TCF12: variants seen among roughly 807,000 people sequenced by gnomAD.
TCF12 encodes transcription factor 12.
Under a neutral mutation model 86.0 loss-of-function variants are expected in TCF12, and 45 were observed. The ratio of observed to expected loss-of-function variants is 0.52; its 90% CI spans 0.41 to 0.67. The LOEUF is 0.67. TCF12 is among the 30% of genes least tolerant of loss of function. The probability of loss-of-function intolerance (pLI) is 0.00; values close to 1 mark genes in which losing one functional copy is unlikely to be tolerated. For synonymous variants in TCF12, 330 were observed against 299.6 expected (o/e 1.10, Z -1.05); for missense variants, 881 against 859.9 (o/e 1.02, Z -0.31).
chr15:57,125,436 A>G (rs142491684), intron 5 of TCF12, among the ~76,000 whole-genome samples: 69 of 152,354 alleles, frequency 4.5e-4, no homozygotes, highest in African/African-American at 1.6e-3. Flanking sequence ...AAATGAAGCA[A>G]TTACTATTTT....
Position 57,232,286 on chromosome 15 carries a change from C to G in TCF12, c.686-5C>G. The G allele has an allele frequency of 6.2e-7, 1 of 1,613,280 alleles. No homozygotes were observed. Among genetic ancestry groups the G allele is most frequent in the Non-Finnish European group, 8.5e-7 (1 of 1,179,674 alleles). ...GAAAATTTTATATTTCTCTTTTTGT[C>G]TTAGATGGGACCCACAATTCTTCTG... is the stretch of plus-strand genomic sequence containing the variant. On this transcript the variant is annotated splice_polypyrimidine_tract_variant and splice_region_variant and intron_variant, in intron 9 of 20. Transcript: ENST00000333725.
In TCF12 at chr15:56,943,548, G is replaced by C. The variant is rs974077420; in HGVS notation, c.148+22450G>C. ...CTCTTCATAATAACTCTTTGAAGCT[G>C]ATTCAGTTTTACTCTCATTCTTGCA... On this transcript the variant is annotated intron_variant, in intron 3 of 20. Transcript: ENST00000333725. Among the ~76,000 whole-genome samples, 11 of 152,162 alleles carry C rather than the reference G, an allele frequency of 7.2e-5. 1 individual carries two copies. Among genetic ancestry groups the C allele is most frequent in the Non-Finnish European group, 1.5e-4 (10 of 68,030 alleles).
chr15:57,213,047 A>G (rs1056104762), intron 8 of TCF12, among the ~76,000 whole-genome samples: 4 of 152,226 alleles, frequency 2.6e-5, no homozygotes, highest in African/African-American at 7.2e-5. Context: ...TCCAAGTTTT[A>G]TATCTGTTTC....
At chr15:57,233,052 ATGTGTTATATATGTATATG>A (rs2059221013) in intron 11 of TCF12, among the ~76,000 whole-genome samples, 196 bp downstream of exon 11, 2 of 140,102 alleles carry the variant, frequency 1.4e-5, no homozygotes, top group Admixed American at 7.3e-5. Context: ...ATATATGTAT[ATGTGTTATATATGTATATG>A]TGTGTTTTTT....
chr15:56,997,934 T>C (rs78731098), intron 3 of TCF12, among the ~76,000 whole-genome samples: 6,157 of 152,252 alleles, frequency 0.04, 372 homozygotes, highest in Admixed American at 0.17. Context: ...CAAAGCAAAC[T>C]TCAGAGCTAA....
chr15:57,116,782 T>C (rs13313455), intron 5 of TCF12, among the ~76,000 whole-genome samples: 72,395 of 152,098 alleles, frequency 0.48, 17,953 homozygotes, highest in African/African-American at 0.61. Flanking sequence ...ATGTCACTTA[T>C]AATGCTTCGT....
intron 5 of TCF12, among the ~76,000 whole-genome samples, chr15:57,132,740 T>C (rs1300990480): frequency 1.3e-5 from 2 of 152,198 alleles, no homozygotes; most frequent in African/African-American, 4.8e-5. Context: ...TGGCATATAG[T>C]CAATCAGTTA....
Position 57,253,253 on chromosome 15 carries a change from T to C in TCF12, c.1261-9T>C. 6.2e-7 allele frequency: 1 copy of C among 1,612,520 alleles called. No homozygotes were observed. The highest frequency in any genetic ancestry group is 8.5e-7 in the Non-Finnish European group (1 of 1,178,872). On this transcript the variant is annotated splice_polypyrimidine_tract_variant and intron_variant, in intron 15 of 20. Transcript: ENST00000333725. ...AATAACCACCATGTTTTTTTTTTAA[T>C]CCATACAGCAGTCTCGAATGGAGGA...
chr15:57,012,737 G>A (rs2064907529), intron 3 of TCF12, among the ~76,000 whole-genome samples: 1 of 152,148 alleles, frequency 6.6e-6, no homozygotes, highest in Non-Finnish European at 1.5e-5. Context: ...GCTGCCCTGG[G>A]AAAGGAGCAT....
intron 3 of TCF12, among the ~76,000 whole-genome samples, chr15:56,967,158 T>C (rs28682280): frequency 0.014 from 2,075 of 150,950 alleles, 55 homozygotes; most frequent in African/African-American, 0.044. Flanking sequence ...AAAAAAAATA[T>C]TAAGTTGACT....
chr15:57,012,033 G>A (rs7169392), intron 3 of TCF12, among the ~76,000 whole-genome samples: 4 of 152,104 alleles, frequency 2.6e-5, no homozygotes, highest in African/African-American at 9.7e-5. Context: ...ATAAGTGTTT[G>A]TATTCTGCTA....
At chr15:56,937,946 C>T (rs1358943699) in intron 3 of TCF12, among the ~76,000 whole-genome samples, 5 of 149,490 alleles carry the variant, frequency 3.3e-5, no homozygotes, top group South Asian at 2.1e-4. Flanking sequence ...CTGTTTGATT[C>T]GGTTAGCTAG....
chr15:57,027,250 C>CG (rs1555483432), intron 3 of TCF12, among the ~76,000 whole-genome samples: 1 of 152,134 alleles, frequency 6.6e-6, no homozygotes, highest in Non-Finnish European at 1.5e-5. Flanking sequence ...TGTCTTGGAA[C>CG]GGGTCATCAG....
At chr15:56,940,493 CCTCCTCCTT>C (rs2060689505) in intron 3 of TCF12, among the ~76,000 whole-genome samples, 1 of 101,620 alleles carries the variant, frequency 9.8e-6, no homozygotes, top group Admixed American at 9.1e-5. Flanking sequence ...TCCTCCTCCT[CCTCCTCCTT>C]CTTCTTCTCC....
intron 6 of TCF12, among the ~76,000 whole-genome samples, chr15:57,176,473 A>G (rs1384104100): frequency 6.6e-6 from 1 of 152,238 alleles, no homozygotes; most frequent in Non-Finnish European, 1.5e-5. Flanking sequence ...ATGATACTAC[A>G]TAATAACTAG....
chr15:56,953,257 T>C (rs566529502), intron 3 of TCF12, among the ~76,000 whole-genome samples: 1 of 152,208 alleles, frequency 6.6e-6, no homozygotes, highest in East Asian at 1.9e-4. Context: ...TGTTAAATTT[T>C]ATTTAGAATT....
At chr15:56,945,951 A>C (rs7164655) in intron 3 of TCF12, among the ~76,000 whole-genome samples, 38,195 of 151,976 alleles carry the variant, frequency 0.25, 5,589 homozygotes, top group East Asian at 0.41. Flanking sequence ...CCGTAGTATG[A>C]TATAGCTACA....
In TCF12 at chr15:57,235,134, A is replaced by G. The variant is rs561056364; in HGVS notation, c.1035+1027A>G. ...TTACTACATAGTAGAGATGGAGCAC[A>G]CACAAAATGCAGCTCAGTGAATGTT... On this transcript the variant is annotated intron_variant, in intron 12 of 20. Transcript: ENST00000333725. 2.8e-4 allele frequency among the ~76,000 whole-genome samples: 42 copies of G among 152,340 alleles called. 1 individual carries two copies. The highest frequency in any genetic ancestry group is 8.9e-4 in the African/African-American group (37 of 41,582).
At chr15:57,290,029 T>G (rs77486386), downstream of TCF12, among the ~76,000 whole-genome samples, 7,783 of 152,014 alleles carry the variant, frequency 0.051, 550 homozygotes, top group African/African-American at 0.16. Context: ...TTTTTTTTTT[T>G]TTTTAGACCT....
Sources: gnomAD v4.1 joint callset for allele counts (sites outside exome capture counted in the v4.1 genomes callset) on GRCh38, gnomAD v4.1.1 for gene constraint, MANE v1.5 for transcripts, NCBI Gene and HGNC (gene_info 2026-07-23, HGNC 2026-07-21) for gene names.